The following ROBO1 variants were observed in gnomAD, a reference collection of about 807,000 sequenced individuals.
ROBO1 encodes roundabout guidance receptor 1.
Under a neutral mutation model 195.9 loss-of-function variants are expected in ROBO1, and 149 were observed. That is an observed-to-expected ratio of 0.76 (90% CI 0.67 to 0.87). The LOEUF (loss-of-function observed/expected upper bound fraction) is 0.87. ROBO1 is among the 40% of genes least tolerant of loss of function. The pLI is 0.00. For synonymous variants in ROBO1, 816 were observed against 733.2 expected (o/e 1.11, Z -1.82); for missense variants, 1,933 against 2,068.3 (o/e 0.93, Z 1.27).
At position 79,335,686 on chromosome 3, in the gene ROBO1, G is replaced by A. The variant is rs186757715; in HGVS notation, c.89-210147C>T. ...AGCTCTTTATAGCAGCAGGAGAATGGGCTAATACAGTAAATTGGTACCGCA... is the reference window on the plus strand; with the variant it reads ...AGCTCTTTATAGCAGCAGGAGAATGAGCTAATACAGTAAATTGGTACCGCA... On this transcript the variant is annotated intron_variant, in intron 2 of 30. Coordinates refer to ENST00000464233, the MANE Select transcript of ROBO1 (RefSeq NM_002941.4). 3.3e-4 allele frequency among the ~76,000 whole-genome samples: 50 copies of A among 152,224 alleles called. 1 individual carries two copies. In the East Asian group the frequency reaches 8.9e-3, roughly 27 times the overall value.
At chr3:79,584,869 G>A (rs1048359927) in intron 2 of ROBO1, among the ~76,000 whole-genome samples, 5 of 151,694 alleles carry the variant, frequency 3.3e-5, no homozygotes, top group African/African-American at 1.2e-4. Context: ...TCACTATCAA[G>A]TGAGTCATCA....
At chr3:79,631,685 A>C (rs765835688) in intron 1 of ROBO1, among the ~76,000 whole-genome samples, 1 of 152,138 alleles carries the variant, frequency 6.6e-6, no homozygotes, top group Admixed American at 6.6e-5. Flanking sequence ...AATAATCAAT[A>C]GAGTAAGGAG....
chr3:78,603,008 A>G (rs931903), intron 29 of ROBO1, among the ~76,000 whole-genome samples: 39,403 of 151,928 alleles, frequency 0.26, 5,208 homozygotes, highest in Middle Eastern at 0.37. Context: ...TTTGATTTTG[A>G]CTCTAAAAAG....
intron 2 of ROBO1, among the ~76,000 whole-genome samples, chr3:79,324,048 C>T (rs899899815): frequency 3.3e-5 from 5 of 151,918 alleles, no homozygotes; most frequent in African/African-American, 9.7e-5. Context: ...CAGTTGCTGT[C>T]TAAATAATCG....
chr3:79,223,290 A>T (rs115520981), intron 2 of ROBO1, among the ~76,000 whole-genome samples: 1 of 152,144 alleles, frequency 6.6e-6, no homozygotes, highest in African/African-American at 2.4e-5. Flanking sequence ...CATCTGAATT[A>T]TATCTCATAA....
chr3:79,372,162 C>A (rs187775167), intron 2 of ROBO1, among the ~76,000 whole-genome samples: 26 of 151,784 alleles, frequency 1.7e-4, no homozygotes, highest in African/African-American at 5.8e-4. Context: ...GGATTGGCAC[C>A]AGTCCACAGC....
At chr3:79,253,731 A>T (rs1200845968) in intron 2 of ROBO1, among the ~76,000 whole-genome samples, 1 of 152,216 alleles carries the variant, frequency 6.6e-6, no homozygotes, top group Non-Finnish European at 1.5e-5. Flanking sequence ...AAATCTTAAT[A>T]AAGAAGGAGG....
chr3:79,394,580 T>C (rs1463501343), intron 2 of ROBO1, among the ~76,000 whole-genome samples: 1 of 151,960 alleles, frequency 6.6e-6, no homozygotes. Flanking sequence ...TTTTTGAAAA[T>C]ATGGAAGCGA....
At position 78,884,691 on chromosome 3, in the gene ROBO1, GGAAGGAAGGAAGGAAAGAAA is replaced by G. The variant is rs1304306486; in HGVS notation, c.499+53890_499+53909del. On this transcript the variant is annotated intron_variant, in intron 4 of 30. Coordinates refer to ENST00000464233, the MANE Select transcript of ROBO1 (RefSeq NM_002941.4). ...AGGAAGGAAGGAAGGAAGGAAGGAAGGAAGGAAGGAAGGAAAGAAAGAAGGAAAGGAAAGGAAGGAAGGAA... is the reference window on the plus strand; with the variant it reads ...AGGAAGGAAGGAAGGAAGGAAGGAAGGAAGGAAAGGAAAGGAAGGAAGGAA... Among the ~76,000 whole-genome samples the G allele has an allele frequency of 7.2e-4, 92 of 128,016 alleles. 1 individual carries two copies. Among genetic ancestry groups the G allele is most frequent in the African/African-American group, 2.6e-3 (79 of 30,792 alleles). 84.0% of individuals were successfully genotyped at this position (128,016 alleles called of 152,430 possible). A position where few individuals can be genotyped will look rare whatever the true frequency, so the allele number is the denominator to read the frequency against.
intron 1 of ROBO1, among the ~76,000 whole-genome samples, chr3:79,684,225 C>T (rs6419738): frequency 0.28 from 42,433 of 152,020 alleles, 6,821 homozygotes; most frequent in African/African-American, 0.45. Context: ...TTTTCAAATG[C>T]ACATTGAGCA....
chr3:79,138,495 A>G (rs114139500), intron 2 of ROBO1, among the ~76,000 whole-genome samples: 1,723 of 152,150 alleles, frequency 0.011, 34 homozygotes, highest in African/African-American at 0.038. Flanking sequence ...CATAAATCCA[A>G]TTCAGAACTA....
chr3:78,895,851 G>A (rs1324253556), intron 4 of ROBO1, among the ~76,000 whole-genome samples: 1 of 152,094 alleles, frequency 6.6e-6, no homozygotes, highest in African/African-American at 2.4e-5. Flanking sequence ...TGACCTACTT[G>A]GCAAGAGAAG....
At chr3:79,550,317 T>C (rs9876243) in intron 2 of ROBO1, among the ~76,000 whole-genome samples, 35,328 of 150,446 alleles carry the variant, frequency 0.23, 4,799 homozygotes, top group African/African-American at 0.36. Flanking sequence ...TACTCCTCAA[T>C]TGACACTAAC....
At position 78,874,588 on chromosome 3, in the gene ROBO1, C is replaced by T. The variant is rs557466653; in HGVS notation, c.499+64013G>A. Among the ~76,000 whole-genome samples, 401 of 151,936 alleles carry T rather than the reference C, an allele frequency of 2.6e-3. 1 individual carries two copies. Among genetic ancestry groups the T allele is most frequent in the African/African-American group, 8.7e-3 (360 of 41,534 alleles). ...ATCTTTGAAAACTTTATGTCATACA[C>T]TTTCAAGTATTCATTATATTATGGT... On this transcript the variant is annotated intron_variant, in intron 4 of 30. Transcript: ENST00000464233.
intron 1 of ROBO1, among the ~76,000 whole-genome samples, chr3:79,648,342 G>T (rs111258989): frequency 6.6e-6 from 1 of 152,094 alleles, no homozygotes; most frequent in East Asian, 1.9e-4. Flanking sequence ...CAGTAAAACC[G>T]TTGGGAATCA....
At chr3:79,681,572 G>T (rs773213412) in intron 1 of ROBO1, among the ~76,000 whole-genome samples, 2 of 152,088 alleles carry the variant, frequency 1.3e-5, no homozygotes, top group South Asian at 2.1e-4. Flanking sequence ...GTGTTACCTT[G>T]TATTGTGGTG....
chr3:79,364,271 C>CATAT lies in ROBO1; in HGVS notation c.88+225549_88+225552dup, dbSNP rs763630261. ...ATATATACATATATATACACACACA[C>CATAT]ATATATATATATACACACACATATA... On this transcript the variant is annotated intron_variant, in intron 2 of 30. Transcript: ENST00000464233. 6.1e-5 allele frequency among the ~76,000 whole-genome samples: 9 copies of CATAT among 148,176 alleles called. No individual in the cohort carries two copies. The East Asian group carries it at 1.2e-3, about 19-fold the overall frequency.
In ROBO1 at chr3:78,712,618, T is replaced by C. The variant is rs994681392; in HGVS notation, c.1045+1779A>G. On this transcript the variant is annotated intron_variant, in intron 8 of 30. Coordinates refer to ENST00000464233, the MANE Select transcript of ROBO1 (RefSeq NM_002941.4). Reference sequence around the variant, plus strand: ...ATATTGAATAATATATCCTCAACTATATAAAGATCTTTTAAACATTTATAG... The same window carrying C: ...ATATTGAATAATATATCCTCAACTACATAAAGATCTTTTAAACATTTATAG... Among the ~76,000 whole-genome samples the C allele has an allele frequency of 1.9e-4, 29 of 152,300 alleles. 1 individual carries two copies. Among genetic ancestry groups the C allele is most frequent in the Non-Finnish European group, 2.1e-4 (14 of 68,016 alleles).
chr3:78,687,942 T>C (rs1275146846), intron 9 of ROBO1, among the ~76,000 whole-genome samples: 3 of 152,168 alleles, frequency 2.0e-5, no homozygotes, highest in Admixed American at 2.0e-4. Context: ...CGTTTTTGTT[T>C]TATTGAAGAA....
Sources: allele counts gnomAD v4.1 joint callset (sites outside exome capture counted in the v4.1 genomes callset), GRCh38; gene constraint gnomAD v4.1.1; transcripts MANE v1.5; gene names NCBI Gene and HGNC (gene_info 2026-07-23, HGNC 2026-07-21).